Variants in KDM4C observed in about 807,000 individuals in gnomAD.
KDM4C encodes the protein lysine-specific demethylase 4C.
In KDM4C, 81 loss-of-function variants were observed where a neutral mutation model predicts 129.3. The observed-to-expected ratio is 0.63, with a 90% confidence interval of 0.52 to 0.75. The LOEUF is 0.75. KDM4C is among the 30% of genes least tolerant of loss of function. The pLI is 0.00. For missense variants in KDM4C, 1,457 were observed against 1,304.0 expected, an observed-to-expected ratio of 1.12 and a Z score of -1.81; for synonymous variants, 573 against 456.1, an observed-to-expected ratio of 1.26 and a Z score of -3.26.
chr9:6,934,977 C>G (rs926342257), intron 8 of KDM4C, among the ~76,000 whole-genome samples: 3 of 151,320 alleles, frequency 2.0e-5, no homozygotes, highest in African/African-American at 7.3e-5. Context: ...AGTGATTTGG[C>G]TTTTTGTTAA....
chr9:6,926,334 T>G lies in KDM4C; in HGVS notation c.921+33102T>G, dbSNP rs564531214. On this transcript the variant is annotated intron_variant, in intron 8 of 21. Transcript: ENST00000381309. ...AAGTGGAGAAGCAGTTGTAGAGAGA[T>G]AATTTGTAAAAAAAAAAAAAAGGAC... 1.2e-4 allele frequency among the ~76,000 whole-genome samples: 5 copies of G among 40,318 alleles called. No individual in the cohort carries two copies. The South Asian group carries it at 5.2e-3, about 42-fold the overall frequency. 26.5% of individuals were successfully genotyped at this position (40,318 alleles called of 152,430 possible).
rs764656103 is a variant in KDM4C at position 7,165,241 on chromosome 9, C to T, written c.2785C>T (p.Arg929Ter). The T allele has an allele frequency of 5.0e-6, 8 of 1,613,900 alleles. No individual in the cohort carries two copies. Among genetic ancestry groups the T allele is most frequent in the Non-Finnish European group, 6.8e-6 (8 of 1,179,938 alleles). The change falls in exon 20 of 22, where the codon CGA becomes TGA. Residue 929 changes from arginine to a stop codon, truncating the protein, a stop_gained. Transcript: ENST00000381309. LOFTEE classifies it high-confidence loss of function. ...CCTGTCTCTGTTTATTCTGCAGAGCCGAGACTGTCTGAAGCTGGGCCCACC... is the reference window on the plus strand; with the variant it reads ...CCTGTCTCTGTTTATTCTGCAGAGCTGAGACTGTCTGAAGCTGGGCCCACC... ...RDTFPEDIVS[R>*]DCLKLGPPAE... is the part of the protein sequence containing the mutation.
intron 6 of KDM4C, among the ~76,000 whole-genome samples, chr9:6,881,671 G>A (rs778925132): frequency 1.6e-4 from 24 of 152,178 alleles, no homozygotes; most frequent in Non-Finnish European, 3.1e-4. Context: ...AATGGTTACC[G>A]TTTGTTTAAT....
chr9:6,721,539 C>T (rs1179784008), intron 1 of KDM4C, among the ~76,000 whole-genome samples: 12 of 151,274 alleles, frequency 7.9e-5, no homozygotes, highest in Non-Finnish European at 2.9e-5. Flanking sequence ...CCGTCTCGGC[C>T]TCCCAAAGTG....
At chr9:7,150,958 G>T (rs1205680111) in intron 19 of KDM4C, among the ~76,000 whole-genome samples, 1 of 152,144 alleles carries the variant, frequency 6.6e-6, no homozygotes, top group South Asian at 2.1e-4. Flanking sequence ...TGGGACCTCA[G>T]TACCTTAACC....
chr9:6,776,387 G>T (rs535530550), intron 1 of KDM4C, among the ~76,000 whole-genome samples: 1 of 151,884 alleles, frequency 6.6e-6, no homozygotes, highest in African/African-American at 2.4e-5. Context: ...TCAGCCTCCC[G>T]AGAAGCTGGG....
At chr9:6,763,588 C>A (rs1295566952) in intron 1 of KDM4C, among the ~76,000 whole-genome samples, 2 of 152,066 alleles carry the variant, frequency 1.3e-5, no homozygotes, top group Non-Finnish European at 2.9e-5. Flanking sequence ...TAATTTGTTT[C>A]CTTTGTGTTT....
chr9:6,754,063 A>G (rs1211022944), upstream of KDM4C, among the ~76,000 whole-genome samples: 1 of 151,274 alleles, frequency 6.6e-6, no homozygotes, highest in East Asian at 1.9e-4. Flanking sequence ...TTTAGTAGAG[A>G]CAGGGTTTCA....
At chr9:6,777,360 C>CT (rs1406975515) in intron 1 of KDM4C, among the ~76,000 whole-genome samples, 17 of 152,284 alleles carry the variant, frequency 1.1e-4, no homozygotes, top group Non-Finnish European at 1.5e-5. Context: ...TTGTTAACCT[C>CT]TTGATGTTCA....
chr9:6,879,776 T>C (rs1193833887), intron 5 of KDM4C, among the ~76,000 whole-genome samples: 4 of 152,130 alleles, frequency 2.6e-5, no homozygotes, highest in Non-Finnish European at 5.9e-5. Flanking sequence ...ATTTGTAAAA[T>C]GTGGTTGGCA....
intron 3 of KDM4C, among the ~76,000 whole-genome samples, chr9:6,812,213 G>A (rs1312386095): frequency 6.6e-6 from 1 of 151,348 alleles, no homozygotes; most frequent in African/African-American, 2.4e-5. Flanking sequence ...CTCCAGCCTG[G>A]GTGACAGAAC....
intron 4 of KDM4C, among the ~76,000 whole-genome samples, chr9:6,826,866 C>CAA (rs1190907288): frequency 8.3e-4 from 114 of 137,510 alleles, no homozygotes; most frequent in African/African-American, 2.7e-3. Context: ...AACTCCATCT[C>CAA]AAAAAAAAAA....
intron 12 of KDM4C, among the ~76,000 whole-genome samples, chr9:6,991,258 A>G (rs192973630): frequency 1.5e-4 from 22 of 150,494 alleles, no homozygotes; most frequent in Non-Finnish European, 2.4e-4. Flanking sequence ...TAAAAAAAAA[A>G]TTTTTTTTTG....
At chr9:7,061,629 C>G (rs963556295) in intron 17 of KDM4C, among the ~76,000 whole-genome samples, 4 of 152,196 alleles carry the variant, frequency 2.6e-5, no homozygotes, top group Non-Finnish European at 4.4e-5. Context: ...GTGGGCTCCT[C>G]AGAGCCCAAT....
At chr9:6,941,366 A>G (rs565986233) in intron 8 of KDM4C, among the ~76,000 whole-genome samples, 4 of 152,094 alleles carry the variant, frequency 2.6e-5, no homozygotes, top group East Asian at 3.9e-4. Flanking sequence ...CCCACTTTTA[A>G]TGGGGTTGTT....
intron 1 of KDM4C, among the ~76,000 whole-genome samples, chr9:6,772,576 G>A (rs1014034798): frequency 6.6e-6 from 1 of 152,108 alleles, no homozygotes; most frequent in African/African-American, 2.4e-5. Context: ...GGTCAGGCTG[G>A]TCTTGAACTC....
At chr9:6,970,808 C>T (rs974986073) in intron 8 of KDM4C, among the ~76,000 whole-genome samples, 17 of 79,196 alleles carry the variant, frequency 2.1e-4, no homozygotes, top group African/African-American at 6.2e-4. Context: ...CCGCCCCTAA[C>T]CCCCACCCCG....
At position 7,110,535 on chromosome 9, in the gene KDM4C, G is replaced by A. The variant is rs1044231692; in HGVS notation, c.2610+6665G>A. Among the ~76,000 whole-genome samples, 6 of 152,070 alleles carry A rather than the reference G, an allele frequency of 3.9e-5. No individual in the cohort carries two copies. The East Asian group carries it at 1.2e-3, about 29-fold the overall frequency. ...CTCTTAACTCTTCCTAGGTTTGTAT[G>A]GTTTAGTGGGTGGGAATGAGGTATG... On this transcript the variant is annotated intron_variant, in intron 18 of 21. Coordinates refer to ENST00000381309, the MANE Select transcript of KDM4C (RefSeq NM_015061.6).
At chr9:6,879,610 C>T (rs1228383379) in intron 5 of KDM4C, among the ~76,000 whole-genome samples, 19 of 152,094 alleles carry the variant, frequency 1.2e-4, no homozygotes, top group Non-Finnish European at 5.9e-5. Context: ...TTCTTAAAAA[C>T]AAAAGCCAAA....
Sources: gnomAD v4.1 joint callset for allele counts (sites outside exome capture counted in the v4.1 genomes callset) on GRCh38, gnomAD v4.1.1 for gene constraint, MANE v1.5 for transcripts, NCBI Gene and HGNC (gene_info 2026-07-23, HGNC 2026-07-21) for gene names.